The following PTGER3 variants were observed in gnomAD, a reference collection of about 807,000 sequenced individuals.
PTGER3 encodes prostaglandin E2 receptor EP3 subtype.
A neutral mutation model predicts 34.7 loss-of-function variants in PTGER3; 22 were observed. The observed-to-expected ratio is 0.63, with a 90% CI of 0.45 to 0.91. PTGER3 has a LOEUF of 0.91. Among genes scored for constraint, PTGER3 ranks in the 40% least tolerant of loss-of-function variants. PTGER3 has a pLI of 0.00. For synonymous variants in PTGER3, 241 were observed against 230.1 expected, an observed-to-expected ratio of 1.05 and a Z score of -0.43; for missense variants, 468 against 519.4, an observed-to-expected ratio of 0.90 and a Z score of 0.96.
exon 5 of PTGER3, chr1:70,852,657 C>A: frequency 1.4e-6 from 1 of 732,344 alleles, no homozygotes; most frequent in South Asian, 1.6e-5. Flanking sequence ...AGTAAAAGTA[C>A]AAAAACATGT....
chr1:70,889,885 G>A lies in PTGER3; in HGVS notation c.*24-37026C>T, dbSNP rs931708446. On this transcript the variant is annotated intron_variant, in intron 4 of 4. Transcript: ENST00000370931. ...ACAGTTTACTTTTTTTTTTTTTGCTGTTAGGAGCCACTTCCGATCTTGCTT... is the reference window on the plus strand; with the variant it reads ...ACAGTTTACTTTTTTTTTTTTTGCTATTAGGAGCCACTTCCGATCTTGCTT... 8.7e-5 allele frequency among the ~76,000 whole-genome samples: 13 copies of A among 149,790 alleles called. No homozygotes were observed. The East Asian group carries it at 2.0e-3, about 23-fold the overall frequency.
At chr1:71,030,831 C>T (rs1352546844) in intron 1 of PTGER3, among the ~76,000 whole-genome samples, 1 of 139,276 alleles carries the variant, frequency 7.2e-6, no homozygotes, top group African/African-American at 2.6e-5. Context: ...CAGACAATTT[C>T]AGTGATTTTT....
At chr1:71,039,311 TGA>T (rs1660084850) in intron 1 of PTGER3, among the ~76,000 whole-genome samples, 1 of 151,912 alleles carries the variant, frequency 6.6e-6, no homozygotes, top group Non-Finnish European at 1.5e-5. Flanking sequence ...ATTACAGGGC[TGA>T]GAGAATGCAG....
intron 1 of PTGER3, among the ~76,000 whole-genome samples, chr1:71,043,122 A>G (rs1309378538): frequency 6.6e-6 from 1 of 152,242 alleles, no homozygotes; most frequent in Non-Finnish European, 1.5e-5. Flanking sequence ...AAATTTAGCT[A>G]TCAGGTCAAA....
chr1:70,910,580 G>A (rs1050358997), intron 4 of PTGER3, among the ~76,000 whole-genome samples: 2 of 152,018 alleles, frequency 1.3e-5, no homozygotes, highest in Non-Finnish European at 2.9e-5. Context: ...AGCTTTGAAT[G>A]AATACCTTAA....
At chr1:71,031,889 TTAGAAA>T (rs1659443955) in intron 1 of PTGER3, among the ~76,000 whole-genome samples, 2 of 152,208 alleles carry the variant, frequency 1.3e-5, no homozygotes, top group Admixed American at 6.5e-5. Flanking sequence ...CAAAATTTAA[TTAGAAA>T]TAGATGCTAG....
intron 1 of PTGER3, among the ~76,000 whole-genome samples, chr1:71,024,740 A>C (rs1443600655): frequency 4.8e-5 from 7 of 146,144 alleles, no homozygotes; most frequent in African/African-American, 1.8e-4. Context: ...TTTTTAGTAG[A>C]GATGGGGTTT....
intron 2 of PTGER3, chr1:71,009,601 A>T (rs1657267838): frequency 1.0e-6 from 1 of 985,048 alleles, no homozygotes; most frequent in Non-Finnish European, 1.2e-6. Flanking sequence ...TGGAAAATCA[A>T]CACTACTTGG....
At chr1:70,961,312 T>C (rs751636862) in intron 2 of PTGER3, among the ~76,000 whole-genome samples, 6 of 152,234 alleles carry the variant, frequency 3.9e-5, no homozygotes, top group Admixed American at 6.5e-5. Flanking sequence ...TTTTAGCATC[T>C]GTTGTTTTTC....
chr1:70,978,729 G>T (rs1455442941), intron 2 of PTGER3, among the ~76,000 whole-genome samples: 1 of 152,082 alleles, frequency 6.6e-6, no homozygotes, highest in Non-Finnish European at 1.5e-5. Context: ...AATTTGCAGG[G>T]TATATTCTGA....
chr1:70,879,067 G>T (rs899249883), intron 4 of PTGER3, among the ~76,000 whole-genome samples: 6 of 152,136 alleles, frequency 3.9e-5, no homozygotes, highest in Admixed American at 2.0e-4. Context: ...TGGTCATGGA[G>T]TGTTAAAATC....
Position 71,039,513 on chromosome 1 carries a change from G to A in PTGER3, c.897+7168C>T, listed in dbSNP as rs554175234. 1.6e-4 allele frequency among the ~76,000 whole-genome samples: 24 copies of A among 151,774 alleles called. No homozygotes were observed. The East Asian group carries it at 3.1e-3, about 20-fold the overall frequency. ...AAAATAGAAAAAATTAGCCGGGTGTGGTGGTGGGCGCCTGTAGTCCCAGCT... is the reference window on the plus strand; with the variant it reads ...AAAATAGAAAAAATTAGCCGGGTGTAGTGGTGGGCGCCTGTAGTCCCAGCT... On this transcript the variant is annotated intron_variant, in intron 1 of 3. Coordinates refer to ENST00000306666, the MANE Select transcript of PTGER3 (RefSeq NM_198719.2).
At chr1:71,041,367 A>G (rs1187050157) in intron 1 of PTGER3, among the ~76,000 whole-genome samples, 1 of 152,174 alleles carries the variant, frequency 6.6e-6, no homozygotes, top group African/African-American at 2.4e-5. Flanking sequence ...ATCACCAAAG[A>G]GTATCATACT....
chr1:70,910,075 A>T (rs887178783), intron 4 of PTGER3, among the ~76,000 whole-genome samples: 2 of 152,234 alleles, frequency 1.3e-5, no homozygotes, highest in African/African-American at 4.8e-5. Context: ...GCATGTTACT[A>T]TTGCTAATAA....
intron 4 of PTGER3, among the ~76,000 whole-genome samples, chr1:70,871,909 C>T (rs1207335905): frequency 1.3e-5 from 2 of 152,134 alleles, no homozygotes; most frequent in African/African-American, 4.8e-5. Flanking sequence ...ATGCTCTCCC[C>T]TCCCACATTC....
At chr1:70,919,939 A>C (rs900837484) in intron 4 of PTGER3, among the ~76,000 whole-genome samples, 13 of 152,154 alleles carry the variant, frequency 8.5e-5, no homozygotes, top group Non-Finnish European at 4.4e-5. Context: ...AAAAGTATTG[A>C]GTTCCGCTAG....
chr1:71,008,298 CATAA>C (rs1346913538), intron 2 of PTGER3: 3 of 883,662 alleles, frequency 3.4e-6, no homozygotes, highest in East Asian at 1.2e-4. Context: ...AAATGTGTGA[CATAA>C]ATAAATATAA....
At chr1:70,905,224 G>T (rs1646919555) in intron 4 of PTGER3, among the ~76,000 whole-genome samples, 1 of 152,152 alleles carries the variant, frequency 6.6e-6, no homozygotes. Flanking sequence ...GCAGAAGTTT[G>T]CTGCAGGGGT....
intron 4 of PTGER3, among the ~76,000 whole-genome samples, chr1:70,896,507 T>C (rs879915551): frequency 5.3e-5 from 8 of 152,224 alleles, no homozygotes; most frequent in Non-Finnish European, 7.4e-5. Context: ...TGCTGACTCC[T>C]TGATCTCAAA....
Sources: gnomAD v4.1 joint callset for allele counts (sites outside exome capture counted in the v4.1 genomes callset) on GRCh38, gnomAD v4.1.1 for gene constraint, MANE v1.5 for transcripts, NCBI Gene and HGNC (gene_info 2026-07-23, HGNC 2026-07-21) for gene names.